HS3ST4: variants seen among roughly 807,000 people sequenced by gnomAD.
The protein encoded by HS3ST4 is heparan sulfate-glucosamine 3-sulfotransferase 4.
A neutral mutation model predicts 29.2 loss-of-function variants in HS3ST4; 17 were observed. The ratio of observed to expected loss-of-function variants is 0.58; its 90% CI spans 0.40 to 0.87. The LOEUF (loss-of-function observed/expected upper bound fraction) is 0.87. HS3ST4 is among the 40% of genes least tolerant of loss of function. HS3ST4 has a pLI of 0.00. For synonymous variants in HS3ST4, 314 were observed against 285.7 expected, an observed-to-expected ratio of 1.10 and a Z score of -1.00; for missense variants, 627 against 634.5, an observed-to-expected ratio of 0.99 and a Z score of 0.13.
intron 1 of HS3ST4, among the ~76,000 whole-genome samples, chr16:25,876,812 G>T (rs1967837931): frequency 6.6e-6 from 1 of 152,046 alleles, no homozygotes; most frequent in Non-Finnish European, 1.5e-5. Flanking sequence ...CGCTTCAGTT[G>T]TTCTCTCCTA....
intron 1 of HS3ST4, among the ~76,000 whole-genome samples, chr16:26,023,367 G>A (rs1381131808): frequency 1.3e-5 from 2 of 151,746 alleles, no homozygotes; most frequent in Non-Finnish European, 2.9e-5. Context: ...TATTCAAATA[G>A]ATAGAAGAAT....
intron 1 of HS3ST4, among the ~76,000 whole-genome samples, chr16:25,756,426 C>A (rs1966759314): frequency 1.3e-5 from 2 of 152,066 alleles, no homozygotes; most frequent in Non-Finnish European, 2.9e-5. Flanking sequence ...AAGGCTGTTA[C>A]AATGATCCAG....
At chr16:25,804,507 T>C (rs1182387634) in intron 1 of HS3ST4, among the ~76,000 whole-genome samples, 1 of 152,186 alleles carries the variant, frequency 6.6e-6, no homozygotes, top group African/African-American at 2.4e-5. Flanking sequence ...TTTTACAAAG[T>C]CTGTGTTTTC....
chr16:25,755,291 G>A (rs914794881), intron 1 of HS3ST4, among the ~76,000 whole-genome samples: 2 of 152,322 alleles, frequency 1.3e-5, no homozygotes, highest in South Asian at 2.1e-4. Flanking sequence ...TAATATGAAA[G>A]TGTGTTCATA....
At chr16:25,861,317 G>T (rs544558623) in intron 1 of HS3ST4, among the ~76,000 whole-genome samples, 1 of 152,222 alleles carries the variant, frequency 6.6e-6, no homozygotes, top group Non-Finnish European at 1.5e-5. Flanking sequence ...GGTTCTGCAA[G>T]TTCAGCTTAG....
intron 1 of HS3ST4, among the ~76,000 whole-genome samples, chr16:25,781,720 G>A (rs1368536122): frequency 6.6e-6 from 1 of 152,104 alleles, no homozygotes; most frequent in African/African-American, 2.4e-5. Flanking sequence ...CCCAAGGTTT[G>A]GACCATCCAC....
intron 1 of HS3ST4, among the ~76,000 whole-genome samples, chr16:26,038,268 A>C (rs1325957546): frequency 2.6e-5 from 4 of 151,986 alleles, no homozygotes; most frequent in African/African-American, 9.7e-5. Flanking sequence ...GCCTTCTCTG[A>C]CTCAACTAAA....
At chr16:25,794,717 T>G (rs1409786196) in intron 1 of HS3ST4, among the ~76,000 whole-genome samples, 1 of 152,020 alleles carries the variant, frequency 6.6e-6, no homozygotes, top group East Asian at 1.9e-4. Context: ...GGTATTTAGG[T>G]GTAATTGTTT....
At chr16:25,693,849 C>T (rs1966274593) in intron 1 of HS3ST4, among the ~76,000 whole-genome samples, 1 of 152,188 alleles carries the variant, frequency 6.6e-6, no homozygotes, top group Admixed American at 6.5e-5. Flanking sequence ...ATCTCCGCCT[C>T]CTTCGCAACA....
chr16:25,777,412 AGTGTGTGTGTGTGTGTGT>A (rs56191219), intron 1 of HS3ST4, among the ~76,000 whole-genome samples: 1 of 147,882 alleles, frequency 6.8e-6, no homozygotes, highest in Non-Finnish European at 1.5e-5. Context: ...AGCACACCAA[AGTGTGTGTGTGTGTGTGT>A]GTGTGTGTGT....
At chr16:25,748,215 A>T (rs1318233048) in intron 1 of HS3ST4, among the ~76,000 whole-genome samples, 4 of 152,074 alleles carry the variant, frequency 2.6e-5, no homozygotes, top group African/African-American at 9.7e-5. Flanking sequence ...CATATGGCAT[A>T]AGTATTTCTT....
intron 1 of HS3ST4, among the ~76,000 whole-genome samples, chr16:25,936,565 AT>A (rs1159030838): frequency 6.6e-6 from 1 of 152,234 alleles, no homozygotes; most frequent in African/African-American, 2.4e-5. Flanking sequence ...CTCAAGATGA[AT>A]TTAGCGAGTA....
chr16:26,039,164 C>T, intron 1 of HS3ST4, among the ~76,000 whole-genome samples: 1 of 152,164 alleles, frequency 6.6e-6, no homozygotes, highest in East Asian at 1.9e-4. Context: ...ATAATGCTCA[C>T]CCTATTAAAT....
At chr16:26,013,043 A>C (rs1251724783) in intron 1 of HS3ST4, among the ~76,000 whole-genome samples, 2 of 152,050 alleles carry the variant, frequency 1.3e-5, no homozygotes, top group Non-Finnish European at 2.9e-5. Flanking sequence ...CGTGCCTGTA[A>C]TCCCAGCTAC....
At chr16:25,739,992 C>T (rs2141597194) in intron 1 of HS3ST4, among the ~76,000 whole-genome samples, 1 of 152,272 alleles carries the variant, frequency 6.6e-6, no homozygotes. Context: ...CCTATTTCTG[C>T]CTGTTTCTTT....
intron 1 of HS3ST4, among the ~76,000 whole-genome samples, chr16:25,810,557 C>T (rs931718655): frequency 7.9e-5 from 12 of 152,134 alleles, no homozygotes; most frequent in African/African-American, 2.2e-4. Context: ...AGGGTGTTGA[C>T]GCCCCCAGTT....
chr16:25,841,269 C>T (rs993359243), intron 1 of HS3ST4, among the ~76,000 whole-genome samples: 10 of 151,542 alleles, frequency 6.6e-5, no homozygotes, highest in Non-Finnish European at 2.9e-5. Flanking sequence ...CCTCCCAAAG[C>T]GCTGGGATTA....
intron 1 of HS3ST4, among the ~76,000 whole-genome samples, chr16:25,954,650 T>A (rs1968711404): frequency 6.6e-6 from 1 of 152,182 alleles, no homozygotes; most frequent in African/African-American, 2.4e-5. Context: ...AAATTAAGCA[T>A]CCCAAATCCA....
At chr16:26,018,238 A>G (rs1205619957) in intron 1 of HS3ST4, among the ~76,000 whole-genome samples, 2 of 152,208 alleles carry the variant, frequency 1.3e-5, no homozygotes, top group Admixed American at 6.5e-5. Context: ...ATGAATAACT[A>G]AATGAATGGA....
Sources: allele counts gnomAD v4.1 joint callset (sites outside exome capture counted in the v4.1 genomes callset), GRCh38; gene constraint gnomAD v4.1.1; transcripts MANE v1.5; gene names NCBI Gene and HGNC (gene_info 2026-07-23, HGNC 2026-07-21).